CNTNAP2: variants seen among roughly 807,000 people sequenced by gnomAD.
CNTNAP2 encodes the protein contactin-associated protein-like 2.
Under a neutral mutation model 155.2 loss-of-function variants are expected in CNTNAP2, and 98 were observed. That is an observed-to-expected ratio of 0.63 (90% confidence interval 0.54 to 0.75). The LOEUF is 0.75. Among genes scored for constraint, CNTNAP2 ranks in the 30% least tolerant of loss-of-function variants. CNTNAP2 has a pLI of 0.00. For missense variants in CNTNAP2, 1,727 were observed against 1,688.1 expected (o/e 1.02, Z -0.40); for synonymous variants, 651 against 631.2 (o/e 1.03, Z -0.47).
chr7:146,472,312 A>C (rs1289152091), intron 1 of CNTNAP2, among the ~76,000 whole-genome samples: 1 of 152,230 alleles, frequency 6.6e-6, no homozygotes, highest in East Asian at 1.9e-4. Context: ...TATATTCTGC[A>C]TCCAAATAAT....
Position 147,625,893 on chromosome 7 carries a change from A to G in CNTNAP2, c.1898-13213A>G, listed in dbSNP as rs533287938. ...TTTCTACTGGGGGACCTGAAAATCC[A>G]GATCATGAGATTATGGAAGAAGGAT... On this transcript the variant is annotated intron_variant, in intron 12 of 23. Transcript: ENST00000361727. Among the ~76,000 whole-genome samples the G allele has an allele frequency of 5.9e-5, 9 of 152,350 alleles. 1 individual carries two copies. In the South Asian group the frequency reaches 1.9e-3, roughly 32 times the overall value.
chr7:146,420,645 G>A (rs1425564676), intron 1 of CNTNAP2, among the ~76,000 whole-genome samples: 4 of 152,070 alleles, frequency 2.6e-5, no homozygotes, highest in Non-Finnish European at 5.9e-5. Context: ...AACAGTCCTT[G>A]TAGGTGGGTG....
chr7:147,332,413 T>G (rs1173638062), intron 9 of CNTNAP2, among the ~76,000 whole-genome samples: 1 of 152,144 alleles, frequency 6.6e-6, no homozygotes, highest in Non-Finnish European at 1.5e-5. Context: ...TCTGCTTTCT[T>G]CATCATTTCT....
intron 14 of CNTNAP2, among the ~76,000 whole-genome samples, chr7:147,922,763 C>T (rs912670018): frequency 6.6e-6 from 1 of 152,074 alleles, no homozygotes; most frequent in Non-Finnish European, 1.5e-5. Flanking sequence ...AGTCTTTATG[C>T]AGAAACAGCA....
intron 13 of CNTNAP2, among the ~76,000 whole-genome samples, chr7:147,848,561 G>A (rs940366891): frequency 1.7e-4 from 25 of 151,444 alleles, no homozygotes; most frequent in Admixed American, 4.0e-4. Flanking sequence ...CGTCTTCTGC[G>A]TCACTCACGC....
intron 16 of CNTNAP2, 45 bp downstream of exon 16, chr7:148,118,333 A>G (rs766613940): frequency 1.2e-6 from 2 of 1,607,320 alleles, no homozygotes; most frequent in Non-Finnish European, 1.7e-6. Flanking sequence ...CACTTTCGTC[A>G]CCTCAGGGTG....
chr7:146,924,489 A>C (rs1796566596), intron 3 of CNTNAP2, among the ~76,000 whole-genome samples: 2 of 152,138 alleles, frequency 1.3e-5, no homozygotes, highest in African/African-American at 4.8e-5. Flanking sequence ...AGTCAATGTG[A>C]GACATTCAGC....
intron 10 of CNTNAP2, among the ~76,000 whole-genome samples, chr7:147,412,366 ATCTCTG>A (rs201715161): frequency 6.6e-6 from 1 of 151,966 alleles, no homozygotes; most frequent in African/African-American, 2.4e-5. Context: ...CCCACCACCC[ATCTCTG>A]TCTCTGTCTC....
At chr7:146,857,458 A>G (rs1206299217) in intron 3 of CNTNAP2, among the ~76,000 whole-genome samples, 2 of 152,244 alleles carry the variant, frequency 1.3e-5, no homozygotes, top group African/African-American at 4.8e-5. Flanking sequence ...TCAAAACCAG[A>G]TTGCCTTATG....
At chr7:147,214,143 C>A (rs529736882) in intron 8 of CNTNAP2, among the ~76,000 whole-genome samples, 2 of 152,246 alleles carry the variant, frequency 1.3e-5, no homozygotes, top group East Asian at 3.9e-4. Flanking sequence ...CCATCAGAAA[C>A]ATATAACTTT....
chr7:148,322,809 T>TTTTTC (rs1301575658), intron 21 of CNTNAP2, among the ~76,000 whole-genome samples: 8 of 150,906 alleles, frequency 5.3e-5, no homozygotes, highest in African/African-American at 1.7e-4. Context: ...TTTTTTTTTT[T>TTTTTC]TTCAAATTTT....
intron 8 of CNTNAP2, among the ~76,000 whole-genome samples, chr7:147,225,577 A>C (rs1803502653): frequency 6.6e-6 from 1 of 152,158 alleles, no homozygotes; most frequent in Non-Finnish European, 1.5e-5. Context: ...ATGTCATCAA[A>C]AACTTTTAAA....
chr7:148,031,096 T>C (rs2116462101), intron 15 of CNTNAP2, among the ~76,000 whole-genome samples: 1 of 152,226 alleles, frequency 6.6e-6, no homozygotes, highest in East Asian at 1.9e-4. Flanking sequence ...GGTGGGACGA[T>C]GTGATTAGGC....
At chr7:147,951,435 C>G (rs991941713) in intron 14 of CNTNAP2, among the ~76,000 whole-genome samples, 1 of 152,196 alleles carries the variant, frequency 6.6e-6, no homozygotes, top group African/African-American at 2.4e-5. Context: ...TCCGTATAAT[C>G]AAGCACATAT....
At chr7:147,544,419 T>C (rs1039115082) in intron 11 of CNTNAP2, among the ~76,000 whole-genome samples, 2 of 152,068 alleles carry the variant, frequency 1.3e-5, no homozygotes, top group African/African-American at 4.8e-5. Context: ...GGCAAAAAAT[T>C]AAAAGTGATA....
chr7:146,462,627 GATATA>G (rs1796654765), intron 1 of CNTNAP2, among the ~76,000 whole-genome samples: 1 of 152,132 alleles, frequency 6.6e-6, no homozygotes, highest in Non-Finnish European at 1.5e-5. Flanking sequence ...ATCAAAGCCA[GATATA>G]ATATAGCACA....
intron 14 of CNTNAP2, among the ~76,000 whole-genome samples, chr7:147,927,531 A>T (rs1585033154): frequency 6.6e-6 from 1 of 152,194 alleles, no homozygotes; most frequent in South Asian, 2.1e-4. Context: ...GTTCACAAAA[A>T]TTTTTTTAAA....
intron 2 of CNTNAP2, among the ~76,000 whole-genome samples, chr7:146,832,123 T>C (rs1341029982): frequency 2.0e-5 from 3 of 152,184 alleles, no homozygotes; most frequent in Non-Finnish European, 4.4e-5. Flanking sequence ...TCCTTGCAGA[T>C]GTTTATCCCC....
chr7:147,895,590 C>T (rs1293810776), intron 13 of CNTNAP2, among the ~76,000 whole-genome samples: 1 of 152,184 alleles, frequency 6.6e-6, no homozygotes, highest in Non-Finnish European at 1.5e-5. Context: ...TAGAGAAGTT[C>T]TTGAACTCTT....
Sources: allele counts gnomAD v4.1 joint callset (sites outside exome capture counted in the v4.1 genomes callset), GRCh38; gene constraint gnomAD v4.1.1; transcripts MANE v1.5; gene names NCBI Gene and HGNC (gene_info 2026-07-23, HGNC 2026-07-21).